Variants in EXTL1 observed in about 807,000 individuals in gnomAD.
EXTL1 encodes the protein exostosin-like 1.
A neutral mutation model predicts 64.6 loss-of-function variants in EXTL1; 43 were observed. That is an observed-to-expected ratio of 0.67 (90% CI 0.52 to 0.86). EXTL1 has a LOEUF of 0.86. Among genes scored for constraint, EXTL1 ranks in the 40% least tolerant of loss-of-function variants. EXTL1 has a pLI of 0.00. For synonymous variants in EXTL1, 352 were observed against 360.5 expected, an observed-to-expected ratio of 0.98 and a Z score of 0.27; for missense variants, 766 against 879.0, an observed-to-expected ratio of 0.87 and a Z score of 1.62.
Position 26,034,960 on chromosome 1 carries a change from A to G in EXTL1, c.1804A>G (p.Ile602Val). ...IVAAVTKLPP[I>V]KVPYGKQRQE... is the part of the protein sequence containing the mutation. The stretch of plus-strand genomic sequence containing the variant: ...AGCAGCAGTCACCAAGCTGCCCCCT[A>G]TCAAGGTGCCCTATGGCAAGCAGCG... Residue 602 changes from isoleucine to valine, a missense_variant, in exon 10 of 11, where the codon ATC becomes GTC. By Grantham distance (29) the Ile-to-Val change is conservative. This residue lies in a region of EXTL1 where 194 missense variants were observed against 214.5 expected (regional missense o/e 0.90). Coordinates refer to ENST00000374280, the MANE Select transcript of EXTL1 (RefSeq NM_004455.3). This position sits in a 1 kb window ranked among gnomAD's most constrained non-coding sequence, Gnocchi z 4.6. 1 of 1,614,196 alleles carries G rather than the reference A, an allele frequency of 6.2e-7. No homozygotes were observed. Among genetic ancestry groups the G allele is most frequent in the Non-Finnish European group, 8.5e-7 (1 of 1,180,042 alleles).
rs1351835189 is a variant in EXTL1, at chr1:26,033,072, G to C, written c.1432-157G>C. Among the ~76,000 whole-genome samples the C allele has an allele frequency of 1.3e-5, 2 of 152,040 alleles. No homozygotes were observed. Among genetic ancestry groups the C allele is most frequent in the East Asian group, 1.9e-4 (1 of 5,194 alleles). ...AGGTCCCAAAACGAGCTCTGCACAG[G>C]CTTGCCATATTTGAGGCCCAGGCGT... On this transcript the variant is annotated intron_variant, in intron 7 of 10. Transcript: ENST00000374280. This position sits in a 1 kb window ranked among gnomAD's most constrained non-coding sequence, Gnocchi z 5.1.
rs2050156297 is a variant in EXTL1, at chr1:26,022,075, GC to G, written c.-570del. 6.5e-6 allele frequency: 1 copy of G among 152,806 alleles called. No homozygotes were observed. Among genetic ancestry groups the G allele is most frequent in the Non-Finnish European group, 1.5e-5 (1 of 68,510 alleles). The allele number at this position is 152,806 out of a possible 1,614,324, so 9.5% of individuals were successfully genotyped here. A position where few individuals can be genotyped will look rare whatever the true frequency, so the allele number is the denominator to read the frequency against. On this transcript the variant is annotated 5_prime_UTR_variant, in exon 1 of 11. The change abolishes the stop of an existing upstream ORF in the 5' untranslated region. Coordinates refer to ENST00000374280, the MANE Select transcript of EXTL1 (RefSeq NM_004455.3). ...TCTAATTTTAGCTCCAGCCACAGGG[GC>G]CACAGCCCAGAAGCGTCTGCCAGCG...
chr1:26,023,450 G>C (rs2050178875), intron 1 of EXTL1, 25 bp downstream of exon 1: 2 of 1,426,042 alleles, frequency 1.4e-6, no homozygotes, highest in South Asian at 3.2e-5. Flanking sequence ...TGCCTTGGGG[G>C]CTGGATGGGA....
intron 6 of EXTL1, 156 bp from the exon 7 acceptor site, chr1:26,032,240 T>G: frequency 1.8e-6 from 1 of 563,672 alleles, no homozygotes; most frequent in Non-Finnish European, 3.1e-6. Flanking sequence ...AGAGCAGCGG[T>G]GAAAGGACCA....
chr1:26,033,896 G>C lies in EXTL1; in HGVS notation c.1679+40G>C. On this transcript the variant is annotated intron_variant, in intron 9 of 10. Coordinates refer to ENST00000374280, the MANE Select transcript of EXTL1 (RefSeq NM_004455.3). The surrounding 1 kb of genome is among the most constrained non-coding windows in gnomAD (Gnocchi z 5.1). The stretch of plus-strand genomic sequence containing the variant: ...CCTGCACAGGGATCAGAGTATCAGA[G>C]GACCAGAGACCCCACCCCCACCCCG... The C allele has an allele frequency of 3.2e-6, 5 of 1,568,546 alleles. No individual in the cohort carries two copies. The highest frequency in any genetic ancestry group is 4.3e-6 in the Non-Finnish European group (5 of 1,153,908).
chr1:26,032,358 C>T, intron 6 of EXTL1, 38 bp from the exon 7 acceptor site: 1 of 1,459,958 alleles, frequency 6.8e-7, no homozygotes. Context: ...CCTTCTGCCC[C>T]AGATCCCAGA....
rs1468983509 is a variant in EXTL1, at chr1:26,033,226, C to T, written c.1432-3C>T. On this transcript the variant is annotated splice_region_variant and splice_polypyrimidine_tract_variant and intron_variant, in intron 7 of 10. Coordinates refer to ENST00000374280, the MANE Select transcript of EXTL1 (RefSeq NM_004455.3). The surrounding 1 kb of genome is among the most constrained non-coding windows in gnomAD (Gnocchi z 5.1). ...CTGAGTTCCCCTCCCCCACTCCCTG[C>T]AGGTTAGTGATCGCTTCTACCCATA... 3 of 1,608,528 alleles carry T rather than the reference C, an allele frequency of 1.9e-6. No homozygotes were observed. The highest frequency in any genetic ancestry group is 2.6e-6 in the Non-Finnish European group (3 of 1,175,058).
Position 26,023,038 on chromosome 1 carries a change from C to T in EXTL1, c.392C>T (p.Ala131Val). ...SRFYTFSPAG[A>V]CLLLLLSLDA... ...TTCTACACATTCAGCCCTGCTGGGG[C>T]CTGCCTCCTCCTCCTCCTCAGCCTG... Residue 131 changes from alanine to valine, a missense_variant, in exon 1 of 11, where the codon GCC becomes GTC. By Grantham distance (64) the Ala-to-Val change is moderately conservative. Coordinates refer to ENST00000374280, the MANE Select transcript of EXTL1 (RefSeq NM_004455.3). 6.2e-7 allele frequency: 1 copy of T among 1,614,034 alleles called. No individual in the cohort carries two copies. The highest frequency in any genetic ancestry group is 8.5e-7 in the Non-Finnish European group (1 of 1,179,990).
In EXTL1 at chr1:26,035,460, CG is replaced by C; in HGVS notation, c.*116del. On this transcript the variant is annotated 3_prime_UTR_variant, in exon 11 of 11. Coordinates refer to ENST00000374280, the MANE Select transcript of EXTL1 (RefSeq NM_004455.3). The surrounding 1 kb of genome is among the most constrained non-coding windows in gnomAD (Gnocchi z 5.3). ...CCGGAGAACCTATCATGTCAGCCAG[CG>C]GGCCCACACGTCGGACCCCGGTTGG... 1.0e-6 allele frequency: 1 copy of C among 981,810 alleles called. No individual in the cohort carries two copies. The highest frequency in any genetic ancestry group is 1.9e-5 in the South Asian group (1 of 53,188). 60.8% of individuals were successfully genotyped at this position (981,810 alleles called of 1,614,324 possible).
Position 26,035,281 on chromosome 1 carries a change from C to G in EXTL1, c.1965C>G (p.Asp655Glu), listed in dbSNP as rs2050327011. Residue 655 changes from aspartate to glutamate, a missense_variant, in exon 11 of 11, where the codon GAC becomes GAG. Physicochemically the swap from Asp to Glu is conservative, Grantham distance 45. Around this residue, in one of 3 missense-constraint regions of EXTL1, gnomAD observed 194 missense variants for 214.5 expected, o/e 0.90. Coordinates refer to ENST00000374280, the MANE Select transcript of EXTL1 (RefSeq NM_004455.3). This position sits in a 1 kb window ranked among gnomAD's most constrained non-coding sequence, Gnocchi z 5.3. ...MPLLSSRLRL[D>E]PVLFKDPVSV... ...TGCTGTCCTCTCGTCTGCGTCTGGA[C>G]CCGGTGCTGTTTAAGGACCCGGTGT... 2 of 1,613,494 alleles carry G rather than the reference C, an allele frequency of 1.2e-6. No homozygotes were observed. Among genetic ancestry groups the G allele is most frequent in the South Asian group, 1.1e-5 (1 of 91,088 alleles).
At chr1:26,030,034 C>A (rs1397244264) in intron 3 of EXTL1, among the ~76,000 whole-genome samples, 1 of 152,092 alleles carries the variant, frequency 6.6e-6, no homozygotes, top group Non-Finnish European at 1.5e-5. Flanking sequence ...GGGAAGGCTA[C>A]AAAAAAATTC....
Position 26,035,364 on chromosome 1 carries a change from G to T in EXTL1, c.*17G>T, listed in dbSNP as rs536954401. 7 of 1,580,558 alleles carry T rather than the reference G, an allele frequency of 4.4e-6. No individual in the cohort carries two copies. Among genetic ancestry groups the T allele is most frequent in the Admixed American group, 1.8e-5 (1 of 56,692 alleles). On this transcript the variant is annotated 3_prime_UTR_variant, in exon 11 of 11. Coordinates refer to ENST00000374280, the MANE Select transcript of EXTL1 (RefSeq NM_004455.3). The surrounding 1 kb of genome is among the most constrained non-coding windows in gnomAD (Gnocchi z 5.3). ...AAGCCCTAGGGGGGCGACCCGCGGA[G>T]ACCCCAGCAGAGGTCGCAGCCCAGC... is the stretch of plus-strand genomic sequence containing the variant.
rs1384933110 is a variant in EXTL1 at position 26,027,545 on chromosome 1, A to AT, written c.780-1648_780-1647insT. On this transcript the variant is annotated intron_variant, in intron 1 of 10. Coordinates refer to ENST00000374280, the MANE Select transcript of EXTL1 (RefSeq NM_004455.3). Reference sequence around the variant, plus strand: ...GGTTTCCCAGAGGAGGTGATGTTTCAGCTTAGACATTAAGACAGCGTAGAA... The same window carrying AT: ...GGTTTCCCAGAGGAGGTGATGTTTCATGCTTAGACATTAAGACAGCGTAGAA... Among the ~76,000 whole-genome samples, 742 of 152,172 alleles carry AT rather than the reference A, an allele frequency of 4.9e-3. 8 individuals carry two copies. Among genetic ancestry groups the AT allele is most frequent in the African/African-American group, 0.017 (688 of 41,502 alleles).
chr1:26,028,913 A>C (rs1442650092), intron 1 of EXTL1, among the ~76,000 whole-genome samples: 1 of 152,216 alleles, frequency 6.6e-6, no homozygotes, highest in Non-Finnish European at 1.5e-5. Flanking sequence ...CTGAGGCCAG[A>C]GAAAGGCAAG....
chr1:26,028,165 G>A (rs1433127540), intron 1 of EXTL1, among the ~76,000 whole-genome samples: 3 of 152,180 alleles, frequency 2.0e-5, no homozygotes, highest in Non-Finnish European at 4.4e-5. Flanking sequence ...GGGGTCCCCT[G>A]GAAGACCCCT....
intron 1 of EXTL1, among the ~76,000 whole-genome samples, chr1:26,024,126 C>G (rs2050189138): frequency 6.6e-6 from 1 of 152,176 alleles, no homozygotes; most frequent in Non-Finnish European, 1.5e-5. Flanking sequence ...ATATAAGGGA[C>G]TGGGGGCCTG....
chr1:26,029,814 A>G (rs1268113364), intron 3 of EXTL1, 107 bp downstream of exon 3: 1 of 690,128 alleles, frequency 1.4e-6, no homozygotes, highest in Non-Finnish European at 2.6e-6. Flanking sequence ...TCTGCCTTCT[A>G]TGGATACTGG....
At chr1:26,023,690 A>G (rs931165100) in intron 1 of EXTL1, among the ~76,000 whole-genome samples, 1 of 152,214 alleles carries the variant, frequency 6.6e-6, no homozygotes, top group Non-Finnish European at 1.5e-5. Context: ...GACTCATTCC[A>G]AACCTCCTAC....
Position 26,035,574 on chromosome 1 carries a change from G to T in EXTL1, c.*227G>T, listed in dbSNP as rs954114271. On this transcript the variant is annotated 3_prime_UTR_variant, in exon 11 of 11. Coordinates refer to ENST00000374280, the MANE Select transcript of EXTL1 (RefSeq NM_004455.3). The surrounding 1 kb of genome is among the most constrained non-coding windows in gnomAD (Gnocchi z 5.3). ...GCGGAGGCTGAGCCCCGCGACCGGA[G>T]CGCCGCTCTCCGCTTCTCCACCCAG... is the stretch of plus-strand genomic sequence containing the variant. 1.8e-5 allele frequency: 8 copies of T among 451,362 alleles called. No individual in the cohort carries two copies. The highest frequency in any genetic ancestry group is 1.5e-4 in the Admixed American group (4 of 27,486). 28.0% of individuals were successfully genotyped at this position (451,362 alleles called of 1,614,324 possible).
Sources: allele counts gnomAD v4.1 joint callset (sites outside exome capture counted in the v4.1 genomes callset), GRCh38; gene constraint gnomAD v4.1.1; regional missense constraint gnomAD v4.1.1; non-coding constraint Gnocchi (gnomAD v3.1); transcripts MANE v1.5; gene names NCBI Gene and HGNC (gene_info 2026-07-23, HGNC 2026-07-21).